Variants in PLSCR2 observed in about 807,000 individuals in gnomAD.
PLSCR2 encodes the protein PL scramblase 2.
In PLSCR2, 18 loss-of-function variants were observed where a neutral mutation model predicts 25.3. The observed-to-expected ratio is 0.71, with a 90% CI of 0.49 to 1.06. PLSCR2 has a LOEUF of 1.06. PLSCR2 is among the 50% of genes least tolerant of loss of function. PLSCR2 has a pLI of 0.00. For missense variants in PLSCR2, 243 were observed against 269.5 expected (o/e 0.90, Z 0.69); for synonymous variants, 88 against 87.3 (o/e 1.01, Z -0.04).
upstream of PLSCR2, among the ~76,000 whole-genome samples, chr3:146,462,679 C>A (rs373051768): frequency 6.6e-6 from 1 of 152,060 alleles, no homozygotes; most frequent in Non-Finnish European, 1.5e-5. Context: ...GTTGGCCAGG[C>A]TGGTCTTGAA....
chr3:146,487,540 G>A (rs913399792), intron 1 of PLSCR2, among the ~76,000 whole-genome samples: 1 of 152,014 alleles, frequency 6.6e-6, no homozygotes, highest in African/African-American at 2.4e-5. Flanking sequence ...GACAAGCAGA[G>A]AGCCAGATCA....
At chr3:146,493,290 T>C (rs1319769051) in intron 1 of PLSCR2, among the ~76,000 whole-genome samples, 1 of 152,162 alleles carries the variant, frequency 6.6e-6, no homozygotes, top group Non-Finnish European at 1.5e-5. Flanking sequence ...TTCTAACTCA[T>C]TTTAGGAGGC....
chr3:146,453,117 T>C (rs1217155985), intron 5 of PLSCR2, among the ~76,000 whole-genome samples: 1 of 152,046 alleles, frequency 6.6e-6, no homozygotes, highest in Non-Finnish European at 1.5e-5. Flanking sequence ...CAAATTCTAA[T>C]AGAGAAATTA....
downstream of PLSCR2, among the ~76,000 whole-genome samples, chr3:146,437,620 C>A (rs1052582355): frequency 9.9e-5 from 15 of 152,074 alleles, no homozygotes; most frequent in African/African-American, 3.6e-4. Flanking sequence ...GTGGTGATAT[C>A]CCCTTTATCA....
chr3:146,418,970 C>T (rs2039065666), intron 2 of PLSCR2, among the ~76,000 whole-genome samples: 1 of 152,094 alleles, frequency 6.6e-6, no homozygotes, highest in African/African-American at 2.4e-5. Context: ...CCAGCCATTC[C>T]CTTTGCCTTC....
At chr3:146,456,376 G>A (rs756107835) in intron 3 of PLSCR2, among the ~76,000 whole-genome samples, 1 of 152,170 alleles carries the variant, frequency 6.6e-6, no homozygotes, top group East Asian at 1.9e-4. Flanking sequence ...AAGAGTCTAC[G>A]GTGGGACTCA....
At chr3:146,494,129 T>C (rs141494092) in intron 1 of PLSCR2, among the ~76,000 whole-genome samples, 1 of 152,236 alleles carries the variant, frequency 6.6e-6, no homozygotes, top group Non-Finnish European at 1.5e-5. Context: ...TGGTTAATGT[T>C]CGGAGTTCTA....
chr3:146,399,755 G>C (rs996467507), intron 2 of PLSCR2, among the ~76,000 whole-genome samples: 26 of 129,224 alleles, frequency 2.0e-4, no homozygotes, highest in African/African-American at 7.3e-4. Flanking sequence ...TTTCTTCCTT[G>C]CTTGCTTTCT....
At chr3:146,482,099 T>G (rs1474349742) in intron 1 of PLSCR2, among the ~76,000 whole-genome samples, 1 of 152,154 alleles carries the variant, frequency 6.6e-6, no homozygotes. Context: ...ATGACTTAAA[T>G]TTTAGACCTA....
At chr3:146,401,972 CAT>C (rs944659303) in intron 2 of PLSCR2, among the ~76,000 whole-genome samples, 100 of 151,904 alleles carry the variant, frequency 6.6e-4, no homozygotes, top group African/African-American at 2.3e-3. Context: ...GAAATACTCT[CAT>C]ATATTATTTA....
chr3:146,439,188 C>T (rs1019880030), downstream of PLSCR2, among the ~76,000 whole-genome samples: 1 of 152,160 alleles, frequency 6.6e-6, no homozygotes, highest in African/African-American at 2.4e-5. Context: ...CCTGACCTTT[C>T]TCTCTGGCTG....
intron 5 of PLSCR2, among the ~76,000 whole-genome samples, 194 bp downstream of exon 5, chr3:146,453,808 A>T (rs1392868410): frequency 6.6e-6 from 1 of 152,138 alleles, no homozygotes; most frequent in African/African-American, 2.4e-5. Flanking sequence ...CTTCTCTTTT[A>T]TCCATTTATC....
downstream of PLSCR2, among the ~76,000 whole-genome samples, chr3:146,430,207 T>C (rs370730501): frequency 1.3e-5 from 2 of 152,272 alleles, no homozygotes; most frequent in South Asian, 4.1e-4. Context: ...AAGAAACCTT[T>C]TTTTCTTTAT....
intron 2 of PLSCR2, chr3:146,401,633 C>T (rs2038476623): frequency 6.6e-6 from 1 of 152,364 alleles, no homozygotes; most frequent in Non-Finnish European, 1.5e-5. Flanking sequence ...ATCAAATTAC[C>T]TTCAAATAGG....
intron 1 of PLSCR2, among the ~76,000 whole-genome samples, chr3:146,483,989 C>T (rs936889681): frequency 6.6e-6 from 1 of 151,650 alleles, no homozygotes; most frequent in African/African-American, 2.4e-5. Flanking sequence ...TAACAAACTT[C>T]ACTGAGCTAA....
At chr3:146,472,869 C>G (rs1264011825) in intron 1 of PLSCR2, among the ~76,000 whole-genome samples, 10 of 152,212 alleles carry the variant, frequency 6.6e-5, no homozygotes, top group Non-Finnish European at 1.3e-4. Context: ...AGTCCAAGGA[C>G]AGGGAACCAG....
intron 2 of PLSCR2, among the ~76,000 whole-genome samples, chr3:146,408,775 G>A (rs139630495): frequency 3.8e-4 from 58 of 152,242 alleles, no homozygotes; most frequent in African/African-American, 1.4e-3. Context: ...GACAACTTCG[G>A]TCATCTTAGA....
intron 1 of PLSCR2, among the ~76,000 whole-genome samples, chr3:146,487,808 T>C (rs564965314): frequency 3.9e-5 from 6 of 152,176 alleles, no homozygotes; most frequent in African/African-American, 1.2e-4. Flanking sequence ...CTTCACAGAA[T>C]TAGAAAAAAA....
At chr3:146,450,375 G>C (rs1376432697) in intron 5 of PLSCR2, among the ~76,000 whole-genome samples, 2 of 152,166 alleles carry the variant, frequency 1.3e-5, no homozygotes, top group African/African-American at 4.8e-5. Context: ...TGGTGAAAAG[G>C]TTCTTTTTAA....
Sources: allele counts gnomAD v4.1 joint callset (sites outside exome capture counted in the v4.1 genomes callset), GRCh38; gene constraint gnomAD v4.1.1; transcripts MANE v1.5; gene names NCBI Gene and HGNC (gene_info 2026-07-23, HGNC 2026-07-21).